ALK: variants seen among roughly 807,000 people sequenced by gnomAD.
The protein encoded by ALK is ALK tyrosine kinase receptor.
Under a neutral mutation model 163.1 loss-of-function variants are expected in ALK, and 74 were observed. The ratio of observed to expected loss-of-function variants is 0.45; its 90% CI spans 0.38 to 0.55. The LOEUF is 0.55. Among genes scored for constraint, ALK ranks in the 20% least tolerant of loss-of-function variants. ALK has a pLI of 0.00. For synonymous variants in ALK, 960 were observed against 843.2 expected, an observed-to-expected ratio of 1.14 and a Z score of -2.40; for missense variants, 2,063 against 2,105.3, an observed-to-expected ratio of 0.98 and a Z score of 0.39.
intron 5 of ALK, among the ~76,000 whole-genome samples, chr2:29,373,439 T>C (rs1486627994): frequency 4.6e-5 from 7 of 152,360 alleles, no homozygotes; most frequent in African/African-American, 1.2e-4. Flanking sequence ...TTTTCAATTA[T>C]TTCCTTTATG....
chr2:29,390,578 G>A (rs59818747), intron 4 of ALK, among the ~76,000 whole-genome samples: 66 of 146,016 alleles, frequency 4.5e-4, no homozygotes, highest in Middle Eastern at 3.5e-3. Flanking sequence ...GAAAGAAAGA[G>A]AAAAAAAAAA....
chr2:29,251,157 C>T lies in ALK; in HGVS notation c.2152G>A (p.Gly718Ser), dbSNP rs1664805998. The T allele has an allele frequency of 6.2e-7, 1 of 1,614,172 alleles. No individual in the cohort carries two copies. ...SNLSVEVGSE[G>S]PLKGIQIWKV... ...CAGATCTGGATGCCTTTCAGGGGGC[C>T]CTCGCTCCCCACCTCCACGCTCAGG... Residue 718 changes from glycine to serine, a missense_variant, in exon 12 of 29, where the codon GGC becomes AGC. Physicochemically the swap from Gly to Ser is moderately conservative, Grantham distance 56. Coordinates refer to ENST00000389048, the MANE Select transcript of ALK (RefSeq NM_004304.5).
chr2:29,795,253 T>C (rs72788241), intron 1 of ALK, among the ~76,000 whole-genome samples: 4,576 of 152,164 alleles, frequency 0.03, 84 homozygotes, highest in East Asian at 0.081. Context: ...AAGCAAAGAA[T>C]TGTAATTTAA....
At chr2:29,320,665 TG>T (rs1261825010) in intron 7 of ALK, 85 bp downstream of exon 7, 3 of 1,589,292 alleles carry the variant, frequency 1.9e-6, no homozygotes, top group Non-Finnish European at 2.6e-6. Context: ...GCCCTGCAGG[TG>T]GGGTGAAGTC....
chr2:29,857,797 C>T (rs1666180738), intron 1 of ALK, among the ~76,000 whole-genome samples: 1 of 152,178 alleles, frequency 6.6e-6, no homozygotes, highest in Admixed American at 6.5e-5. Flanking sequence ...TTCAGTTCAA[C>T]AAATACCACT....
chr2:29,320,965 A>G (rs1012074989), intron 6 of ALK, 83 bp from the exon 7 acceptor site: 6 of 1,545,188 alleles, frequency 3.9e-6, no homozygotes, highest in Admixed American at 1.7e-5. Context: ...TTAGCCAGGC[A>G]TGACCAAATT....
At chr2:29,496,490 C>T (rs1389452078) in intron 4 of ALK, among the ~76,000 whole-genome samples, 1 of 152,048 alleles carries the variant, frequency 6.6e-6, no homozygotes, top group Non-Finnish European at 1.5e-5. Flanking sequence ...TTTTTAATGA[C>T]AGTTTTCCAG....
chr2:29,566,684 A>G (rs953994912), intron 3 of ALK, among the ~76,000 whole-genome samples: 10 of 152,210 alleles, frequency 6.6e-5, no homozygotes, highest in Non-Finnish European at 1.5e-4. Flanking sequence ...ATAAAAATGT[A>G]TTTTCCAAAA....
chr2:29,889,322 T>A (rs1667073904), intron 1 of ALK, among the ~76,000 whole-genome samples: 1 of 152,066 alleles, frequency 6.6e-6, no homozygotes, highest in Admixed American at 6.6e-5. Flanking sequence ...ATGAGCAATG[T>A]TAACACAATT....
chr2:29,424,027 A>C (rs938767146), intron 4 of ALK, among the ~76,000 whole-genome samples: 3 of 152,234 alleles, frequency 2.0e-5, no homozygotes, highest in Admixed American at 1.3e-4. Flanking sequence ...ATCGCACATA[A>C]ATATGTATTC....
At chr2:29,780,859 C>T (rs748933649) in intron 1 of ALK, among the ~76,000 whole-genome samples, 1 of 152,180 alleles carries the variant, frequency 6.6e-6, no homozygotes, top group Non-Finnish European at 1.5e-5. Flanking sequence ...AAGATCAGTT[C>T]CTCAGCTCTT....
chr2:29,812,797 C>T (rs984509452), intron 1 of ALK, among the ~76,000 whole-genome samples: 6 of 152,210 alleles, frequency 3.9e-5, no homozygotes, highest in African/African-American at 1.2e-4. Flanking sequence ...CTGGGCTTCA[C>T]GTAGTCATGC....
chr2:29,560,842 G>A (rs1674001981), intron 3 of ALK, among the ~76,000 whole-genome samples: 1 of 151,914 alleles, frequency 6.6e-6, no homozygotes, highest in Admixed American at 6.6e-5. Context: ...AAAATGCTGG[G>A]ATTACAAGCA....
intron 4 of ALK, among the ~76,000 whole-genome samples, chr2:29,386,450 T>C (rs529577178): frequency 6.6e-6 from 1 of 152,088 alleles, no homozygotes; most frequent in Non-Finnish European, 1.5e-5. Flanking sequence ...CTTAAGGAGA[T>C]AAACAAAAAG....
intron 26 of ALK, among the ~76,000 whole-genome samples, chr2:29,202,698 C>T (rs1669212886): frequency 6.6e-6 from 1 of 152,158 alleles, no homozygotes; most frequent in Non-Finnish European, 1.5e-5. Context: ...TGAGATTTAT[C>T]TATGTTGATA....
chr2:29,878,293 T>C (rs1392492586), intron 1 of ALK, among the ~76,000 whole-genome samples: 2 of 152,108 alleles, frequency 1.3e-5, no homozygotes, highest in East Asian at 3.9e-4. Context: ...TATAAGCCTT[T>C]GGGAAATTAG....
chr2:29,499,411 G>T (rs1162023420), intron 4 of ALK, among the ~76,000 whole-genome samples: 1 of 152,052 alleles, frequency 6.6e-6, no homozygotes, highest in Non-Finnish European at 1.5e-5. Flanking sequence ...GGTCAGGTTG[G>T]TTTTGAACCC....
intron 3 of ALK, among the ~76,000 whole-genome samples, chr2:29,559,069 C>A (rs1053471552): frequency 2.6e-5 from 4 of 152,114 alleles, no homozygotes; most frequent in African/African-American, 9.7e-5. Flanking sequence ...AGGGTTCAGA[C>A]AGAAGAACCT....
At chr2:29,241,468 G>T (rs188925110) in intron 12 of ALK, among the ~76,000 whole-genome samples, 3 of 152,172 alleles carry the variant, frequency 2.0e-5, no homozygotes, top group Non-Finnish European at 4.4e-5. Flanking sequence ...GTCGTCAGGT[G>T]CTTAGGGCCA....
Sources: allele counts gnomAD v4.1 joint callset (sites outside exome capture counted in the v4.1 genomes callset), GRCh38; gene constraint gnomAD v4.1.1; transcripts MANE v1.5; gene names NCBI Gene and HGNC (gene_info 2026-07-23, HGNC 2026-07-21).